Variants in XRN1 observed in about 807,000 individuals in gnomAD.
XRN1 encodes the protein 5'-3' exoribonuclease 1, also known as strand-exchange protein 1 homolog.
Under a neutral mutation model 222.3 loss-of-function variants are expected in XRN1, and 67 were observed. That is an observed-to-expected ratio of 0.30 (90% CI 0.25 to 0.37). The LOEUF is 0.37. Ranked by LOEUF, XRN1 falls within the 10% of genes least tolerant of loss-of-function variation. The pLI, the probability that XRN1 is intolerant of heterozygous loss-of-function variation, is 1.00. For synonymous variants in XRN1, 643 were observed against 652.4 expected (o/e 0.99, Z 0.22); for missense variants, 1,707 against 2,000.2 (o/e 0.85, Z 2.80).
At chr3:142,421,258 G>A (rs1175903860) in intron 9 of XRN1, 105 bp from the exon 10 acceptor site, 2 of 1,143,954 alleles carry the variant, frequency 1.7e-6, no homozygotes, top group South Asian at 2.0e-5. Flanking sequence ...GGAAATTGGA[G>A]AATGTTACTC....
intron 1 of XRN1, among the ~76,000 whole-genome samples, chr3:142,442,672 G>A (rs964926801): frequency 9.9e-5 from 15 of 152,204 alleles, no homozygotes; most frequent in African/African-American, 3.4e-4. Flanking sequence ...GTTAGGGCCT[G>A]TAAAGTGTGC....
intron 39 of XRN1, among the ~76,000 whole-genome samples, chr3:142,316,736 T>C (rs1176139281): frequency 6.6e-6 from 1 of 152,172 alleles, no homozygotes; most frequent in Non-Finnish European, 1.5e-5. Flanking sequence ...TTTAAACTAC[T>C]GCTTTGTTTT....
intron 1 of XRN1, among the ~76,000 whole-genome samples, chr3:142,434,809 A>G (rs2108176914): frequency 6.6e-6 from 1 of 152,252 alleles, no homozygotes; most frequent in South Asian, 2.1e-4. Flanking sequence ...GCCCTAGATA[A>G]GTTATCAAAC....
intron 23 of XRN1, 137 bp downstream of exon 23, chr3:142,379,945 C>T (rs1232535317): frequency 1.5e-5 from 10 of 651,198 alleles, no homozygotes; most frequent in Non-Finnish European, 2.5e-5. Context: ...TTTTAAATAC[C>T]AGATGCAACT....
chr3:142,359,042 G>A (rs1489743778), intron 30 of XRN1, among the ~76,000 whole-genome samples: 2 of 152,172 alleles, frequency 1.3e-5, no homozygotes, highest in East Asian at 1.9e-4. Context: ...AGGAAATTGA[G>A]GGTCAGACAC....
chr3:142,377,877 C>G (rs1227820793), intron 23 of XRN1, among the ~76,000 whole-genome samples: 2 of 152,124 alleles, frequency 1.3e-5, no homozygotes, highest in East Asian at 3.8e-4. Context: ...GTACAAAGCT[C>G]CAGCTACTTT....
intron 1 of XRN1, among the ~76,000 whole-genome samples, chr3:142,435,740 G>T (rs1025605865): frequency 3.1e-5 from 4 of 130,010 alleles, no homozygotes; most frequent in Non-Finnish European, 4.7e-5. Flanking sequence ...CTTGGCAACA[G>T]AGTGAAACTG....
intron 32 of XRN1, among the ~76,000 whole-genome samples, chr3:142,348,137 T>TA (rs2066202188): frequency 6.6e-6 from 1 of 152,078 alleles, no homozygotes; most frequent in Non-Finnish European, 1.5e-5. Context: ...AGGGAATGAA[T>TA]ACTGGTGGGT....
chr3:142,363,780 T>C (rs1460254663), intron 29 of XRN1, among the ~76,000 whole-genome samples: 9 of 152,216 alleles, frequency 5.9e-5, no homozygotes, highest in Non-Finnish European at 1.3e-4. Context: ...TCTAGAGCCT[T>C]TGCTTTTTAA....
In XRN1 at chr3:142,370,465, T is replaced by C. The variant is rs778186086; in HGVS notation, c.3204+20A>G. On this transcript the variant is annotated intron_variant, in intron 27 of 40. Coordinates refer to ENST00000392981, the MANE Select transcript of XRN1 (RefSeq NM_001282857.2). ...TAATTCCAAATCTCATCAATAATCTTGGTTACTGAAAGTTAGTACCTTGCA... is the reference window on the plus strand; with the variant it reads ...TAATTCCAAATCTCATCAATAATCTCGGTTACTGAAAGTTAGTACCTTGCA... 2.5e-6 allele frequency: 4 copies of C among 1,586,324 alleles called. No individual in the cohort carries two copies. Among genetic ancestry groups the C allele is most frequent in the Non-Finnish European group, 3.4e-6 (4 of 1,172,048 alleles).
chr3:142,390,382 T>C (rs1368558945), intron 20 of XRN1, among the ~76,000 whole-genome samples: 2 of 152,220 alleles, frequency 1.3e-5, no homozygotes, highest in African/African-American at 4.8e-5. Flanking sequence ...CTTAGCTAGA[T>C]CTGGATGACT....
At position 142,403,955 on chromosome 3, in the gene XRN1, C is replaced by G. The variant is rs1434007541; in HGVS notation, c.1918G>C (p.Asp640His). The G allele has an allele frequency of 6.3e-7, 1 of 1,599,462 alleles. No individual in the cohort carries two copies. The highest frequency in any genetic ancestry group is 1.1e-5 in the South Asian group (1 of 90,646). The change falls in exon 17 of 41, where the codon GAC becomes CAC. Residue 640 changes from aspartate (D) to histidine (H), a missense_variant. Asp to His is a moderately conservative substitution (Grantham distance 81). Transcript: ENST00000392981. Reference protein sequence around the residue: ...KIISLDAWRVDINKNKITRID... With the variant: ...KIISLDAWRVHINKNKITRID... ...CTGGTTATTTTGTTTTTGTTTATGT[C>G]TACACGCCAAGCATCTAAGGATATT...
At chr3:142,312,407 A>C (rs1456343042) in intron 40 of XRN1, among the ~76,000 whole-genome samples, 191 bp downstream of exon 40, 1 of 152,186 alleles carries the variant, frequency 6.6e-6, no homozygotes, top group Non-Finnish European at 1.5e-5. Flanking sequence ...TACTTGGTAC[A>C]ATTATTGTTT....
chr3:142,374,593 T>C (rs1385280268), intron 25 of XRN1, among the ~76,000 whole-genome samples: 2 of 152,196 alleles, frequency 1.3e-5, no homozygotes, highest in Non-Finnish European at 2.9e-5. Flanking sequence ...AGGGGAAATA[T>C]GTGTCTGAGG....
intron 1 of XRN1, among the ~76,000 whole-genome samples, 181 bp from the exon 2 acceptor site, chr3:142,433,074 A>T (rs1040030337): frequency 6.6e-6 from 1 of 152,218 alleles, no homozygotes; most frequent in Non-Finnish European, 1.5e-5. Flanking sequence ...ATGGTGACAA[A>T]TTTGGTTTTA....
At chr3:142,378,560 T>C (rs1369231127) in intron 23 of XRN1, among the ~76,000 whole-genome samples, 3 of 151,786 alleles carry the variant, frequency 2.0e-5, no homozygotes, top group African/African-American at 7.3e-5. Flanking sequence ...AACAATAAAG[T>C]TGAATGAATT....
intron 25 of XRN1, among the ~76,000 whole-genome samples, chr3:142,372,544 C>T (rs2067019200): frequency 6.6e-6 from 1 of 152,148 alleles, no homozygotes. Flanking sequence ...ATCAGAATGT[C>T]TGGGTTTCTA....
chr3:142,334,410 TACAGA>T (rs1368094936), intron 34 of XRN1, among the ~76,000 whole-genome samples: 6 of 151,898 alleles, frequency 4.0e-5, no homozygotes, highest in Non-Finnish European at 7.4e-5. Context: ...ATGATAGGCA[TACAGA>T]AAAGTACACA....
rs541793306 is a variant in XRN1 at position 142,308,967 on chromosome 3, A to G, written c.*2544T>C. ...TTCTTGAAGTCCAACTGCTTTTCAG[A>G]TATACTCTAAATTCCAGGTCTATCA... On this transcript the variant is annotated 3_prime_UTR_variant, in exon 41 of 41. Coordinates refer to ENST00000392981, the MANE Select transcript of XRN1 (RefSeq NM_001282857.2). 1 of 152,282 alleles carries G rather than the reference A, an allele frequency of 6.6e-6. No homozygotes were observed. The highest frequency in any genetic ancestry group is 2.1e-4 in the South Asian group (1 of 4,826). 9.4% of individuals were successfully genotyped at this position (152,282 alleles called of 1,614,324 possible). A position where few individuals can be genotyped will look rare whatever the true frequency, so the allele number is the denominator to read the frequency against.
Sources: allele counts gnomAD v4.1 joint callset (sites outside exome capture counted in the v4.1 genomes callset), GRCh38; gene constraint gnomAD v4.1.1; transcripts MANE v1.5; gene names NCBI Gene and HGNC (gene_info 2026-07-23, HGNC 2026-07-21).